TMCO6: variants seen among roughly 807,000 people sequenced by gnomAD.
The protein encoded by TMCO6 is transmembrane and coiled-coil domain-containing protein 6.
Under a neutral mutation model 61.8 loss-of-function variants are expected in TMCO6, and 47 were observed. The ratio of observed to expected loss-of-function variants is 0.76; its 90% CI spans 0.60 to 0.97. The LOEUF (loss-of-function observed/expected upper bound fraction) is 0.97, where lower values mean the gene tolerates loss of function less well. TMCO6 is among the 50% of genes least tolerant of loss of function. TMCO6 has a pLI of 0.00. For synonymous variants in TMCO6, 261 were observed against 254.2 expected (o/e 1.03, Z -0.25); for missense variants, 557 against 601.6 (o/e 0.93, Z 0.78).
the TMCO6 span, among the ~76,000 whole-genome samples, chr5:140,617,591 C>T: frequency 3.3e-5 from 5 of 151,544 alleles, no homozygotes; most frequent in Admixed American, 6.6e-5. Context: ...AAAAATTAGC[C>T]GGTGTGGTGG....
At chr5:140,627,740 T>C in the TMCO6 span, among the ~76,000 whole-genome samples, 3 of 151,494 alleles carry the variant, frequency 2.0e-5, no homozygotes, top group Admixed American at 2.0e-4. Context: ...CTTTTTTTTT[T>C]TTGAGATTAG....
chr5:140,609,647 C>A, the TMCO6 span, among the ~76,000 whole-genome samples: 37 of 142,018 alleles, frequency 2.6e-4, no homozygotes, highest in African/African-American at 2.9e-4. Context: ...TCATACACAC[C>A]AAAAAAAAAA....
Position 140,639,516 on chromosome 5 carries a change from T to A in TMCO6, c.-12T>A, listed in dbSNP as rs1402075785. Reference sequence around the variant, plus strand: ...CTGCTGTTTCCTTCGGCTTTCCTCCTCCTGCTCCACCATGTGGAGCCGACG... The same window carrying A: ...CTGCTGTTTCCTTCGGCTTTCCTCCACCTGCTCCACCATGTGGAGCCGACG... On this transcript the variant is annotated 5_prime_UTR_variant, in exon 1 of 12. Coordinates refer to ENST00000394671, the MANE Select transcript of TMCO6 (RefSeq NM_018502.5). The A allele has an allele frequency of 9.0e-6, 14 of 1,549,412 alleles. No individual in the cohort carries two copies. The highest frequency in any genetic ancestry group is 1.7e-6 in the Non-Finnish European group (2 of 1,146,498).
Position 140,641,734 on chromosome 5 carries a change from C to A in TMCO6, c.268C>A (p.Leu90Ile). ...EKEREGALVS[L>I]RRGLQHPETQ... ...GGAGAGAGAGGGGGCTCTGGTCAGC[C>A]TTCGTCGAGGCTTGCAGCACCCTGA... Residue 90 changes from leucine to isoleucine, a missense_variant, in exon 3 of 12, where the codon CTT (leucine) becomes ATT (isoleucine). Transcript: ENST00000394671. 1.9e-6 allele frequency: 3 copies of A among 1,614,202 alleles called. No homozygotes were observed. Among genetic ancestry groups the A allele is most frequent in the Non-Finnish European group, 2.5e-6 (3 of 1,180,038 alleles).
chr5:140,622,462 G>A, the TMCO6 span, among the ~76,000 whole-genome samples: 2 of 152,292 alleles, frequency 1.3e-5, no homozygotes, highest in Admixed American at 1.3e-4. Context: ...CAGGAGTGGA[G>A]GTGTTAGGGG....
At chr5:140,613,386 T>TAAAA in the TMCO6 span, among the ~76,000 whole-genome samples, 107 of 87,430 alleles carry the variant, frequency 1.2e-3, 3 homozygotes, top group Non-Finnish European at 1.7e-3. Flanking sequence ...AGACTCTGAC[T>TAAAA]AAAAAAAAAA....
chr5:140,605,739 A>ACAC, the TMCO6 span, among the ~76,000 whole-genome samples: 9 of 39,696 alleles, frequency 2.3e-4, no homozygotes, highest in African/African-American at 6.6e-4. Flanking sequence ...ACACACACAC[A>ACAC]AAGAAAGAAG....
At chr5:140,624,570 A>G in the TMCO6 span, among the ~76,000 whole-genome samples, 3 of 151,746 alleles carry the variant, frequency 2.0e-5, no homozygotes, top group Non-Finnish European at 4.4e-5. Flanking sequence ...ATCTATCATC[A>G]TTTCTTTTTT....
At chr5:140,643,111 A>T in intron 7 of TMCO6, 70 bp downstream of exon 7, 1 of 1,602,952 alleles carries the variant, frequency 6.2e-7, no homozygotes, top group South Asian at 1.1e-5. Context: ...CAACTCTTTG[A>T]ACTTGTGTCT....
chr5:140,618,746 G>T, the TMCO6 span, among the ~76,000 whole-genome samples: 1 of 151,952 alleles, frequency 6.6e-6, no homozygotes, highest in East Asian at 1.9e-4. Flanking sequence ...TCAACAAATG[G>T]TGCTGGAACA....
At chr5:140,619,680 C>T in the TMCO6 span, among the ~76,000 whole-genome samples, 3 of 152,178 alleles carry the variant, frequency 2.0e-5, no homozygotes, top group African/African-American at 7.2e-5. Flanking sequence ...AACTCTTAGT[C>T]TGTAAAAAAG....
chr5:140,606,932 G>A, the TMCO6 span, among the ~76,000 whole-genome samples: 1 of 151,564 alleles, frequency 6.6e-6, no homozygotes, highest in African/African-American at 2.4e-5. Context: ...ACTCTGTGTA[G>A]GCCCGGGCTA....
chr5:140,637,909 T>TCTCTTTCCCCCTCCCCTCTCTTCCC (rs1756808803), upstream of TMCO6, among the ~76,000 whole-genome samples: 2 of 152,074 alleles, frequency 1.3e-5, no homozygotes, highest in African/African-American at 4.8e-5. Flanking sequence ...AATGTCTTTC[T>TCTCTTTCCCCCTCCCCTCTCTTCCC]CTCTTTCCCC....
the TMCO6 span, among the ~76,000 whole-genome samples, chr5:140,617,417 G>A: frequency 6.6e-6 from 1 of 152,144 alleles, no homozygotes; most frequent in Admixed American, 6.5e-5. Flanking sequence ...AGCCAAGTGT[G>A]GTAGTGCACA....
intron 2 of TMCO6, chr5:140,641,448 A>G: frequency 1.8e-6 from 1 of 551,110 alleles, no homozygotes; most frequent in African/African-American, 1.9e-5. Flanking sequence ...ACTTAGGTTC[A>G]GGTCCCATAT....
At chr5:140,643,734 G>A (rs1474556783) in intron 8 of TMCO6, 46 bp from the exon 9 acceptor site, 7 of 1,607,560 alleles carry the variant, frequency 4.4e-6, no homozygotes, top group Non-Finnish European at 5.1e-6. Flanking sequence ...TGGAATGCAG[G>A]TAACCTCTTC....
chr5:140,616,168 A>G, the TMCO6 span, among the ~76,000 whole-genome samples: 1 of 149,488 alleles, frequency 6.7e-6, no homozygotes, highest in South Asian at 2.1e-4. Context: ...AGCATAGTGA[A>G]AAAAAGCTTC....
chr5:140,647,582 A>C (rs1581476780), downstream of TMCO6: 1 of 1,609,794 alleles, frequency 6.2e-7, no homozygotes, highest in South Asian at 1.1e-5. Flanking sequence ...GGCCGCCGCC[A>C]TCCTTGTTAA....
the TMCO6 span, among the ~76,000 whole-genome samples, chr5:140,607,387 G>A: frequency 6.6e-6 from 1 of 152,238 alleles, no homozygotes; most frequent in South Asian, 2.1e-4. Flanking sequence ...ACTTTCTGTG[G>A]CTAAATAATA....
Sources: allele counts gnomAD v4.1 joint callset (sites outside exome capture counted in the v4.1 genomes callset), GRCh38; gene constraint gnomAD v4.1.1; transcripts MANE v1.5; gene names NCBI Gene and HGNC (gene_info 2026-07-23, HGNC 2026-07-21).